Variants in OVCH1 observed in about 807,000 individuals in gnomAD.
The protein encoded by OVCH1 is ovochymase-1.
OVCH1 carries 139 observed loss-of-function variants against 138.4 expected under a neutral mutation model. The observed-to-expected ratio is 1.00, with a 90% CI of 0.87 to 1.16. OVCH1 has a LOEUF of 1.16. OVCH1 is among the 50% of genes most tolerant of loss of function. The pLI, the probability that OVCH1 is intolerant of heterozygous loss-of-function variation, is 0.00. For missense variants in OVCH1, 1,367 were observed against 1,357.9 expected, an observed-to-expected ratio of 1.01 and a Z score of -0.11; for synonymous variants, 453 against 467.8, an observed-to-expected ratio of 0.97 and a Z score of 0.41.
intron 25 of OVCH1, among the ~76,000 whole-genome samples, chr12:29,440,169 G>C (rs1158343702): frequency 6.6e-6 from 1 of 152,176 alleles, no homozygotes; most frequent in Non-Finnish European, 1.5e-5. Context: ...CCTCTGGATA[G>C]ATGGGTAGAA....
chr12:29,470,102 C>T (rs527987702), intron 16 of OVCH1, among the ~76,000 whole-genome samples: 36 of 152,160 alleles, frequency 2.4e-4, no homozygotes, highest in African/African-American at 8.4e-4. Context: ...ACATAAAGAT[C>T]AAAACCAAGA....
chr12:29,451,310 T>C, intron 22 of OVCH1, 35 bp downstream of exon 22: 1 of 1,555,146 alleles, frequency 6.4e-7, no homozygotes, highest in Non-Finnish European at 8.8e-7. Context: ...GGACCAAGAC[T>C]CCTAGCACGA....
chr12:29,439,573 C>T (rs951337033), intron 25 of OVCH1: 3 of 1,120,752 alleles, frequency 2.7e-6, no homozygotes, highest in Non-Finnish European at 3.5e-6. Context: ...TACTTTACCT[C>T]TCACACCAGA....
At chr12:29,467,333 TAC>T (rs1382450923) in intron 16 of OVCH1, among the ~76,000 whole-genome samples, 1 of 152,184 alleles carries the variant, frequency 6.6e-6, no homozygotes, top group African/African-American at 2.4e-5. Context: ...GTTTTACATG[TAC>T]AGTCAGCAAA....
intron 27 of OVCH1, among the ~76,000 whole-genome samples, chr12:29,428,946 A>G (rs1941223383): frequency 6.6e-6 from 1 of 152,234 alleles, no homozygotes; most frequent in South Asian, 2.1e-4. Flanking sequence ...ATACATTTCT[A>G]AAGATTATTC....
intron 12 of OVCH1, among the ~76,000 whole-genome samples, chr12:29,476,749 A>ACGCGCACG (rs1555151633): frequency 5.8e-5 from 1 of 17,160 alleles, no homozygotes; most frequent in African/African-American, 1.0e-4. Flanking sequence ...ATAAGTACAC[A>ACGCGCACG]CGCGCGCACA....
chr12:29,485,240 A>G (rs770021558), intron 8 of OVCH1, among the ~76,000 whole-genome samples: 2 of 149,986 alleles, frequency 1.3e-5, no homozygotes, highest in East Asian at 4.0e-4. Flanking sequence ...AGACTGAGGC[A>G]GGAGAATTGC....
chr12:29,465,619 C>A (rs1398075806), intron 16 of OVCH1, among the ~76,000 whole-genome samples: 4 of 152,104 alleles, frequency 2.6e-5, no homozygotes, highest in Admixed American at 1.3e-4. Context: ...TGTCCCATTG[C>A]CTCTGCGATC....
intron 1 of OVCH1, among the ~76,000 whole-genome samples, chr12:29,497,095 C>A (rs1023206779): frequency 1.3e-5 from 2 of 152,270 alleles, no homozygotes; most frequent in African/African-American, 4.8e-5. Context: ...TGACAAGACC[C>A]CATCTCTACA....
chr12:29,485,968 TA>T (rs753035165), intron 8 of OVCH1, among the ~76,000 whole-genome samples: 1,611 of 73,724 alleles, frequency 0.022, 10 homozygotes, highest in Middle Eastern at 0.043. Flanking sequence ...TAAAATAAAA[TA>T]AAATAAATAA....
chr12:29,451,603 A>T lies in OVCH1; in HGVS notation c.2531-34T>A, dbSNP rs1201586979. 6 of 1,524,958 alleles carry T rather than the reference A, an allele frequency of 3.9e-6. No individual in the cohort carries two copies. The Admixed American group carries it at 1.2e-4, about 31-fold the overall frequency. 94.5% of individuals were successfully genotyped at this position (1,524,958 alleles called of 1,614,324 possible). On this transcript the variant is annotated intron_variant, in intron 21 of 27. Coordinates refer to ENST00000318184, the Ensembl canonical transcript of OVCH1. ...CAGAACACACAGACACCAGGGACCA[A>T]CATAAATAAAGCAAAGAAAAACCAG...
chr12:29,446,625 G>C (rs373043349), intron 22 of OVCH1, among the ~76,000 whole-genome samples: 4 of 152,048 alleles, frequency 2.6e-5, no homozygotes, highest in African/African-American at 9.7e-5. Flanking sequence ...CTACAATGAA[G>C]TTAAGCATGG....
chr12:29,475,101 A>C, exon 14 of OVCH1: 1 of 1,580,352 alleles, frequency 6.3e-7, no homozygotes, highest in Non-Finnish European at 8.6e-7. Flanking sequence ...AGCCTTGTAA[A>C]CGATTTTTAC....
At chr12:29,480,086 T>G (rs990513367) in intron 8 of OVCH1, among the ~76,000 whole-genome samples, 4 of 152,098 alleles carry the variant, frequency 2.6e-5, no homozygotes, top group African/African-American at 9.7e-5. Context: ...CTTCCCAAAG[T>G]GCTGGGATTA....
At chr12:29,478,016 T>C (rs1942801746) in intron 9 of OVCH1, among the ~76,000 whole-genome samples, 1 of 152,210 alleles carries the variant, frequency 6.6e-6, no homozygotes, top group Non-Finnish European at 1.5e-5. Context: ...AGTACAATAC[T>C]TTGTCTATAA....
chr12:29,475,778 A>G (rs16934299), intron 13 of OVCH1, among the ~76,000 whole-genome samples: 5,874 of 152,290 alleles, frequency 0.039, 336 homozygotes, highest in African/African-American at 0.13. Context: ...TTGTTAGGTC[A>G]CGATTAAAAG....
At chr12:29,468,502 A>T (rs1421127789) in intron 16 of OVCH1, among the ~76,000 whole-genome samples, 1 of 152,160 alleles carries the variant, frequency 6.6e-6, no homozygotes, top group Non-Finnish European at 1.5e-5. Context: ...CATAAATTTC[A>T]GAATAGACCA....
chr12:29,462,194 A>G (rs1942160573), intron 18 of OVCH1, among the ~76,000 whole-genome samples, 186 bp from the exon 19 acceptor site: 1 of 152,128 alleles, frequency 6.6e-6, no homozygotes, highest in Non-Finnish European at 1.5e-5. Flanking sequence ...TCATTTCCCA[A>G]TTTGGCATTT....
chr12:29,486,096 G>T, intron 8 of OVCH1, 154 bp downstream of exon 8: 1 of 652,350 alleles, frequency 1.5e-6, no homozygotes, highest in Non-Finnish European at 2.5e-6. Context: ...TTTAAATGTT[G>T]GAGCCTATGT....
Sources: allele counts gnomAD v4.1 joint callset (sites outside exome capture counted in the v4.1 genomes callset), GRCh38; gene constraint gnomAD v4.1.1; transcripts MANE v1.5; gene names NCBI Gene and HGNC (gene_info 2026-07-23, HGNC 2026-07-21).